Variants in PRSS23 observed in about 807,000 individuals in gnomAD.
PRSS23 encodes the protein serine protease 23.
Under a neutral mutation model 34.7 loss-of-function variants are expected in PRSS23, and 25 were observed. The observed-to-expected ratio is 0.72, with a 90% CI of 0.53 to 1.01. The LOEUF (loss-of-function observed/expected upper bound fraction) is 1.01. Among genes scored for constraint, PRSS23 ranks in the 50% least tolerant of loss-of-function variants. The pLI is 0.00. For missense variants in PRSS23, 445 were observed against 475.6 expected (o/e 0.94, Z 0.60); for synonymous variants, 176 against 186.6 (o/e 0.94, Z 0.46).
exon 3 of PRSS23, chr11:86,951,355 A>G (rs201077120): frequency 1.2e-6 from 2 of 1,613,990 alleles, no homozygotes; most frequent in Non-Finnish European, 1.7e-6. Context: ...CATCTGCAGA[A>G]TACCGAAAAA....
At chr11:86,860,189 T>C (rs1264949787) in intron 2 of PRSS23, among the ~76,000 whole-genome samples, 1 of 151,898 alleles carries the variant, frequency 6.6e-6, no homozygotes, top group East Asian at 1.9e-4. Flanking sequence ...GAGGAAGATA[T>C]TACTCCAAAT....
intron 2 of PRSS23, chr11:86,933,441 G>A (rs1949139745): frequency 6.6e-6 from 1 of 152,182 alleles, no homozygotes; most frequent in Non-Finnish European, 1.5e-5. Context: ...GGTGGCCATG[G>A]AAAGACACCT....
chr11:86,923,150 C>G (rs147860693), intron 2 of PRSS23, among the ~76,000 whole-genome samples: 1 of 134,548 alleles, frequency 7.4e-6, no homozygotes, highest in Non-Finnish European at 1.5e-5. Context: ...TTTTTTGAGA[C>G]GGGGTCTCTG....
intron 1 of PRSS23, chr11:86,823,233 T>G (rs1361582339): frequency 3.3e-6 from 2 of 611,408 alleles, no homozygotes; most frequent in Non-Finnish European, 5.8e-6. Context: ...ATTCCTAATC[T>G]GTAAAAGCAT....
At chr11:86,832,562 T>G in intron 2 of PRSS23, 1 of 459,546 alleles carries the variant, frequency 2.2e-6, no homozygotes, top group Non-Finnish European at 4.3e-6. Context: ...CAGGACCCTT[T>G]TGATGTCCCT....
intron 2 of PRSS23, among the ~76,000 whole-genome samples, chr11:86,898,155 T>G (rs908439938): frequency 6.6e-6 from 1 of 152,202 alleles, no homozygotes; most frequent in Non-Finnish European, 1.5e-5. Context: ...GGCAGATATT[T>G]CATTTCGATG....
At chr11:86,840,017 C>A (rs1393544938) in intron 2 of PRSS23, among the ~76,000 whole-genome samples, 1 of 151,596 alleles carries the variant, frequency 6.6e-6, no homozygotes, top group Non-Finnish European at 1.5e-5. Flanking sequence ...GTAAAGACAT[C>A]GATGCTATGA....
upstream of PRSS23, among the ~76,000 whole-genome samples, chr11:86,797,315 C>T (rs145040312): frequency 3.3e-5 from 5 of 152,304 alleles, no homozygotes; most frequent in Admixed American, 3.3e-4. Flanking sequence ...CTGCTGTTTA[C>T]ATTGGTCATT....
chr11:86,913,230 A>G (rs931240773), intron 2 of PRSS23, among the ~76,000 whole-genome samples: 6 of 146,842 alleles, frequency 4.1e-5, no homozygotes, highest in African/African-American at 1.5e-4. Flanking sequence ...ATCTATCTGC[A>G]TTTTAGCTGC....
intron 2 of PRSS23, among the ~76,000 whole-genome samples, chr11:86,926,026 T>A (rs954018260): frequency 6.6e-6 from 1 of 152,194 alleles, no homozygotes; most frequent in African/African-American, 2.4e-5. Context: ...AAATATATAT[T>A]GAGTCTACCA....
At chr11:86,821,779 G>A (rs1040563141) in intron 1 of PRSS23, 53 of 1,075,206 alleles carry the variant, frequency 4.9e-5, no homozygotes, top group East Asian at 4.9e-4. Flanking sequence ...TGCCCAGCCC[G>A]TTCCGCCTCA....
chr11:86,912,645 A>G (rs1948985402), intron 2 of PRSS23, among the ~76,000 whole-genome samples: 1 of 151,562 alleles, frequency 6.6e-6, no homozygotes, highest in Non-Finnish European at 1.5e-5. Context: ...TTTAATTTCT[A>G]TTTCTCTAGT....
At chr11:86,905,122 A>G (rs556078247) in intron 2 of PRSS23, among the ~76,000 whole-genome samples, 2 of 152,264 alleles carry the variant, frequency 1.3e-5, no homozygotes, top group East Asian at 3.9e-4. Flanking sequence ...GGCTTGATCT[A>G]CCCTATCAGG....
intron 2 of PRSS23, among the ~76,000 whole-genome samples, chr11:86,876,400 C>G (rs1289998650): frequency 6.6e-6 from 1 of 152,200 alleles, no homozygotes; most frequent in East Asian, 1.9e-4. Flanking sequence ...TCTGGCTAAC[C>G]ATTATTGCCT....
At chr11:86,800,458 C>T, upstream of PRSS23, 42 of 983,814 alleles carry the variant, frequency 4.3e-5, no homozygotes, top group Non-Finnish European at 4.9e-5. Context: ...CGCGGCTTCC[C>T]CGAGGCCGGA....
At chr11:86,863,935 G>C (rs955889386) in intron 2 of PRSS23, among the ~76,000 whole-genome samples, 3 of 152,184 alleles carry the variant, frequency 2.0e-5, no homozygotes. Flanking sequence ...AAATACCTGA[G>C]TGACCGTGAA....
At chr11:86,898,661 C>T (rs1948892014) in intron 2 of PRSS23, among the ~76,000 whole-genome samples, 1 of 152,188 alleles carries the variant, frequency 6.6e-6, no homozygotes, top group African/African-American at 2.4e-5. Flanking sequence ...ATGTGTCACA[C>T]TGAAGATGTG....
At chr11:86,928,944 A>G (rs1299127227) in intron 2 of PRSS23, among the ~76,000 whole-genome samples, 4 of 152,138 alleles carry the variant, frequency 2.6e-5, no homozygotes, top group South Asian at 2.1e-4. Flanking sequence ...TCTGCAACAC[A>G]TGTAGGTGAG....
chr11:86,832,119 G>T (rs955217209), intron 2 of PRSS23, among the ~76,000 whole-genome samples: 2 of 152,066 alleles, frequency 1.3e-5, no homozygotes, highest in Non-Finnish European at 2.9e-5. Context: ...ATTCTATGGG[G>T]ATGTTGTTAA....
Sources: gnomAD v4.1 joint callset for allele counts (sites outside exome capture counted in the v4.1 genomes callset) on GRCh38, gnomAD v4.1.1 for gene constraint, MANE v1.5 for transcripts, NCBI Gene and HGNC (gene_info 2026-07-23, HGNC 2026-07-21) for gene names.